The following MARCHF1 variants were observed in gnomAD, a reference collection of about 807,000 sequenced individuals.
MARCHF1 encodes the protein E3 ubiquitin-protein ligase MARCHF1.
A neutral mutation model predicts 54.2 loss-of-function variants in MARCHF1; 40 were observed. The ratio of observed to expected loss-of-function variants is 0.74; its 90% CI spans 0.57 to 0.96. The LOEUF (loss-of-function observed/expected upper bound fraction) is 0.96. Ranked by LOEUF, MARCHF1 falls within the 40% of genes least tolerant of loss-of-function variation. The pLI, the probability that MARCHF1 is intolerant of heterozygous loss-of-function variation, is 0.00. For synonymous variants in MARCHF1, 236 were observed against 236.3 expected (o/e 1.00, Z 0.01); for missense variants, 586 against 656.5 (o/e 0.89, Z 1.17).
intron 2 of MARCHF1, among the ~76,000 whole-genome samples, chr4:164,099,904 A>C (rs995442606): frequency 6.6e-6 from 1 of 152,186 alleles, no homozygotes; most frequent in Non-Finnish European, 1.5e-5. Context: ...ATTATGAACA[A>C]GGAAGAAGAA....
intron 3 of MARCHF1, among the ~76,000 whole-genome samples, chr4:163,902,078 G>A (rs1196764137): frequency 3.9e-5 from 6 of 152,150 alleles, no homozygotes; most frequent in Admixed American, 6.6e-5. Context: ...GATGGGCAGT[G>A]AAAAATCTAC....
chr4:163,959,332 A>AC (rs199639057), intron 3 of MARCHF1, among the ~76,000 whole-genome samples: 1,832 of 66,288 alleles, frequency 0.028, 17 homozygotes, highest in African/African-American at 0.037. Context: ...AACAACAACA[A>AC]AAAAAAAAAA....
rs552534787 is a variant in MARCHF1 at position 163,983,964 on chromosome 4, A to T, written c.-39+4537T>A. Among the ~76,000 whole-genome samples, 330 of 151,214 alleles carry T rather than the reference A, an allele frequency of 2.2e-3. 1 individual carries two copies. Among genetic ancestry groups the T allele is most frequent in the African/African-American group, 7.8e-3 (323 of 41,268 alleles). On this transcript the variant is annotated intron_variant, in intron 3 of 9. Transcript: ENST00000514618. ...TTTTTACTAAAAATTTTTACTAAAA[A>T]TTTTTTTTTAGTAAATTTTACTAAA...
chr4:164,045,009 T>C (rs1366991598), intron 2 of MARCHF1, among the ~76,000 whole-genome samples: 1 of 152,100 alleles, frequency 6.6e-6, no homozygotes, highest in Non-Finnish European at 1.5e-5. Context: ...CTAAGAGTTT[T>C]GGTGACAATG....
chr4:163,636,046 C>T (rs559644516), intron 5 of MARCHF1, among the ~76,000 whole-genome samples: 69 of 152,110 alleles, frequency 4.5e-4, no homozygotes, highest in African/African-American at 1.4e-3. Context: ...ATTCAACAAC[C>T]CTTCATGCTA....
intron 1 of MARCHF1, among the ~76,000 whole-genome samples, chr4:164,335,833 C>CA (rs1176795811): frequency 6.6e-6 from 1 of 151,762 alleles, no homozygotes; most frequent in African/African-American, 2.4e-5. Context: ...CCTGGGATGC[C>CA]AAAAAACTTG....
intron 1 of MARCHF1, among the ~76,000 whole-genome samples, chr4:164,320,573 C>T (rs769358950): frequency 3.3e-5 from 5 of 152,084 alleles, no homozygotes; most frequent in African/African-American, 4.8e-5. Context: ...ACCACACCTA[C>T]GAATGTATAG....
At chr4:163,694,582 G>A (rs1341349062) in intron 5 of MARCHF1, among the ~76,000 whole-genome samples, 1 of 152,082 alleles carries the variant, frequency 6.6e-6, no homozygotes, top group Non-Finnish European at 1.5e-5. Context: ...CTCCTTGGAT[G>A]TCTTGTCCTA....
intron 8 of MARCHF1, among the ~76,000 whole-genome samples, chr4:163,552,330 C>T (rs1739133301): frequency 6.6e-6 from 1 of 152,176 alleles, no homozygotes; most frequent in South Asian, 2.1e-4. Flanking sequence ...CAAATATAGA[C>T]AGCAAATTAA....
At chr4:164,050,684 G>A (rs1016793208) in intron 2 of MARCHF1, among the ~76,000 whole-genome samples, 11 of 142,586 alleles carry the variant, frequency 7.7e-5, no homozygotes, top group African/African-American at 1.5e-4. Flanking sequence ...AATAATATCC[G>A]CAAGTTGGGA....
At chr4:163,691,123 C>G (rs1393954417) in intron 5 of MARCHF1, among the ~76,000 whole-genome samples, 1 of 152,162 alleles carries the variant, frequency 6.6e-6, no homozygotes, top group Non-Finnish European at 1.5e-5. Flanking sequence ...TCCCAGGGTG[C>G]CTTTTCCAAG....
At chr4:163,560,661 T>C (rs796865703) in intron 8 of MARCHF1, among the ~76,000 whole-genome samples, 4 of 152,322 alleles carry the variant, frequency 2.6e-5, no homozygotes, top group African/African-American at 9.6e-5. Flanking sequence ...ATGACAATAA[T>C]AGACATCTAC....
chr4:163,755,621 C>CT (rs35127585), intron 4 of MARCHF1, among the ~76,000 whole-genome samples: 49,139 of 144,372 alleles, frequency 0.34, 8,594 homozygotes, highest in South Asian at 0.41. Flanking sequence ...GCAAAGATCC[C>CT]TTTTTTTTTT....
intron 4 of MARCHF1, among the ~76,000 whole-genome samples, chr4:163,830,170 A>G (rs960766155): frequency 1.3e-5 from 2 of 152,156 alleles, no homozygotes; most frequent in African/African-American, 4.8e-5. Flanking sequence ...GAATAAATGC[A>G]GACTAGATCA....
chr4:164,378,156 T>G (rs1731251045), intron 1 of MARCHF1, among the ~76,000 whole-genome samples: 1 of 152,138 alleles, frequency 6.6e-6, no homozygotes, highest in Admixed American at 6.5e-5. Context: ...CACAATATGT[T>G]TTTTCCCCGG....
intron 4 of MARCHF1, among the ~76,000 whole-genome samples, chr4:163,743,600 A>G (rs111259480): frequency 0.052 from 7,080 of 135,208 alleles, 528 homozygotes; most frequent in East Asian, 0.29. Context: ...TTTTTTTGAG[A>G]CAGAGTCTTG....
intron 1 of MARCHF1, among the ~76,000 whole-genome samples, chr4:164,280,037 A>T (rs772287480): frequency 1.8e-4 from 27 of 151,902 alleles, no homozygotes; most frequent in Non-Finnish European, 3.7e-4. Flanking sequence ...AGAATTATAT[A>T]TTTTTTTCAA....
chr4:163,652,865 C>T (rs1743014801), intron 5 of MARCHF1, among the ~76,000 whole-genome samples: 1 of 151,820 alleles, frequency 6.6e-6, no homozygotes, highest in African/African-American at 2.4e-5. Flanking sequence ...GCAAACACTA[C>T]AGACATATTT....
chr4:163,841,388 C>T (rs943391799), intron 4 of MARCHF1, among the ~76,000 whole-genome samples: 1 of 151,800 alleles, frequency 6.6e-6, no homozygotes, highest in Non-Finnish European at 1.5e-5. Context: ...TATGAAAAAT[C>T]TCTATACCTT....
Sources: gnomAD v4.1 joint callset for allele counts (sites outside exome capture counted in the v4.1 genomes callset) on GRCh38, gnomAD v4.1.1 for gene constraint, MANE v1.5 for transcripts, NCBI Gene and HGNC (gene_info 2026-07-23, HGNC 2026-07-21) for gene names.